Variants in BLTP1 observed in about 807,000 individuals in gnomAD.
BLTP1 encodes the protein fragile site-associated protein.
At chr4:122,227,120 G>T in the BLTP1 span, 2 of 764,578 alleles carry the variant, frequency 2.6e-6, no homozygotes, top group Non-Finnish European at 3.3e-6. Context: ...TATTATACTT[G>T]TTGGGATATG....
the BLTP1 span, chr4:122,172,837 A>G: frequency 8.2e-5 from 54 of 657,002 alleles, no homozygotes; most frequent in Non-Finnish European, 9.6e-5. Context: ...ACAGAAATGA[A>G]AGCAGGCATA....
At chr4:122,187,388 T>TTA in the BLTP1 span, 5 of 1,606,356 alleles carry the variant, frequency 3.1e-6, no homozygotes, top group Non-Finnish European at 4.3e-6. Flanking sequence ...CCTCAGGTAT[T>TTA]TAAGGTTTTC....
At chr4:122,280,662 T>TAAAAAA in the BLTP1 span, among the ~76,000 whole-genome samples, 1 of 83,036 alleles carries the variant, frequency 1.2e-5, no homozygotes, top group Non-Finnish European at 2.5e-5. Context: ...AAATTCCATC[T>TAAAAAA]AAAAAAAAAA....
chr4:122,247,515 G>C, the BLTP1 span: 1 of 1,033,130 alleles, frequency 9.7e-7, no homozygotes, highest in Non-Finnish European at 1.4e-6. Flanking sequence ...GTGGTATTTA[G>C]CTACTTGTCA....
At chr4:122,313,799 CTA>C in the BLTP1 span, 4 of 585,494 alleles carry the variant, frequency 6.8e-6, no homozygotes, top group Non-Finnish European at 8.4e-6. Context: ...TAAAAAAAAA[CTA>C]TTTTGTATTA....
At chr4:122,339,052 G>A in the BLTP1 span, 5 of 345,164 alleles carry the variant, frequency 1.4e-5, no homozygotes, top group Non-Finnish European at 2.0e-5. Context: ...TCCTGTAGAT[G>A]TTGTGGTTTA....
At chr4:122,179,270 A>T in the BLTP1 span, among the ~76,000 whole-genome samples, 20 of 152,196 alleles carry the variant, frequency 1.3e-4, no homozygotes, top group African/African-American at 4.6e-4. Flanking sequence ...TTTTCTCTAA[A>T]AAATAAATAA....
At chr4:122,279,680 T>C in the BLTP1 span, 3 of 1,383,254 alleles carry the variant, frequency 2.2e-6, no homozygotes, top group African/African-American at 1.5e-5. Flanking sequence ...ACCTCTCAAA[T>C]TTATAAGTAT....
chr4:122,299,978 C>A, the BLTP1 span: 1 of 956,112 alleles, frequency 1.0e-6, no homozygotes, highest in Middle Eastern at 5.4e-4. Context: ...TACAAAGACA[C>A]ATATAGTTTA....
the BLTP1 span, chr4:122,183,433 GGTCA>G: frequency 1.0e-6 from 1 of 983,044 alleles, no homozygotes; most frequent in Non-Finnish European, 1.2e-6. Flanking sequence ...ATTCTAAAGT[GGTCA>G]GTGTCATTAG....
At chr4:122,223,338 A>G in the BLTP1 span, among the ~76,000 whole-genome samples, 1 of 152,210 alleles carries the variant, frequency 6.6e-6, no homozygotes, top group Non-Finnish European at 1.5e-5. Flanking sequence ...GAAGAGGACT[A>G]CTGTAATAAA....
the BLTP1 span, chr4:122,234,896 A>G: frequency 6.2e-7 from 1 of 1,613,868 alleles, no homozygotes; most frequent in East Asian, 2.2e-5. Context: ...TCAAACTTGA[A>G]GAGTTGACAC....
At chr4:122,174,251 G>GA in the BLTP1 span, 4 of 984,682 alleles carry the variant, frequency 4.1e-6, no homozygotes, top group Non-Finnish European at 4.8e-6. Flanking sequence ...AGATTCTAAA[G>GA]AAAAATGGTG....
At chr4:122,312,985 A>G in the BLTP1 span, 4 of 556,942 alleles carry the variant, frequency 7.2e-6, no homozygotes, top group East Asian at 1.5e-4. Context: ...AACTTTTACT[A>G]TGTAAAATTG....
At chr4:122,162,993 A>G in the BLTP1 span, among the ~76,000 whole-genome samples, 1 of 152,188 alleles carries the variant, frequency 6.6e-6, no homozygotes, top group African/African-American at 2.4e-5. Flanking sequence ...AGTCTTATGT[A>G]TTAAATATTG....
chr4:122,361,511 C>T, the BLTP1 span, among the ~76,000 whole-genome samples: 2 of 152,144 alleles, frequency 1.3e-5, no homozygotes, highest in Non-Finnish European at 2.9e-5. Flanking sequence ...TGAACTGTTA[C>T]TTCCTCTGTT....
At chr4:122,251,497 T>C in the BLTP1 span, 11 of 950,602 alleles carry the variant, frequency 1.2e-5, no homozygotes, top group Admixed American at 6.2e-5. Flanking sequence ...CACAGTTTTA[T>C]TTTGGTGTCT....
At chr4:122,352,371 T>C in the BLTP1 span, among the ~76,000 whole-genome samples, 1 of 148,538 alleles carries the variant, frequency 6.7e-6, no homozygotes, top group African/African-American at 2.5e-5. Flanking sequence ...TTTTTTTTTT[T>C]TTTTTTGAGA....
At chr4:122,276,645 T>C in the BLTP1 span, 2 of 967,516 alleles carry the variant, frequency 2.1e-6, no homozygotes, top group Non-Finnish European at 2.5e-6. Context: ...GTTTTAATTA[T>C]TATAATGTTA....
Sources: gnomAD v4.1 joint callset for allele counts (sites outside exome capture counted in the v4.1 genomes callset) on GRCh38, gnomAD v4.1.1 for gene constraint, MANE v1.5 for transcripts, NCBI Gene and HGNC (gene_info 2026-07-23, HGNC 2026-07-21) for gene names.